Variants in TTC29 observed in about 807,000 individuals in gnomAD.
TTC29 encodes tetratricopeptide repeat domain 29.
In TTC29, 49 loss-of-function variants were observed where a neutral mutation model predicts 58.1. That is an observed-to-expected ratio of 0.84 (90% confidence interval 0.67 to 1.07). The LOEUF is 1.07. Among genes scored for constraint, TTC29 ranks in the 50% least tolerant of loss-of-function variants. The pLI, the probability that TTC29 is intolerant of heterozygous loss-of-function variation, is 0.00. For synonymous variants in TTC29, 209 were observed against 196.8 expected (o/e 1.06, Z -0.52); for missense variants, 582 against 555.6 (o/e 1.05, Z -0.48).
intron 11 of TTC29, among the ~76,000 whole-genome samples, chr4:146,745,694 T>C (rs1173902553): frequency 6.6e-6 from 1 of 152,250 alleles, no homozygotes; most frequent in Non-Finnish European, 1.5e-5. Flanking sequence ...TAATGTGCTC[T>C]TCTGACCACC....
chr4:146,906,001 C>A (rs1372937246), intron 5 of TTC29, among the ~76,000 whole-genome samples: 1 of 152,100 alleles, frequency 6.6e-6, no homozygotes, highest in Non-Finnish European at 1.5e-5. Flanking sequence ...GCTGCTCAAC[C>A]CTTAATAAAT....
At chr4:146,753,214 A>G (rs1412975109) in intron 11 of TTC29, among the ~76,000 whole-genome samples, 1 of 152,182 alleles carries the variant, frequency 6.6e-6, no homozygotes, top group East Asian at 1.9e-4. Flanking sequence ...AGAAAAAAAC[A>G]AACAACCCCA....
intron 7 of TTC29, among the ~76,000 whole-genome samples, chr4:146,871,562 T>A (rs1025500409): frequency 1.3e-5 from 2 of 151,930 alleles, no homozygotes; most frequent in African/African-American, 4.8e-5. Flanking sequence ...TTTAACAAGG[T>A]TGCAAGCTAT....
At chr4:146,875,003 G>T (rs1731168858) in intron 6 of TTC29, 75 bp from the exon 7 acceptor site, 8 of 1,138,454 alleles carry the variant, frequency 7.0e-6, no homozygotes, top group East Asian at 2.5e-5. Flanking sequence ...ATACGTTTTA[G>T]CTTTATTATT....
intron 11 of TTC29, among the ~76,000 whole-genome samples, chr4:146,789,930 A>G (rs1446483816): frequency 1.3e-5 from 2 of 152,178 alleles, no homozygotes; most frequent in Non-Finnish European, 2.9e-5. Context: ...TAAAGTAATC[A>G]CCACGGCTTA....
chr4:146,853,565 T>C (rs1053560261), intron 8 of TTC29, among the ~76,000 whole-genome samples: 5 of 152,202 alleles, frequency 3.3e-5, no homozygotes, highest in Admixed American at 6.5e-5. Flanking sequence ...TTTATAGCAT[T>C]GTATACAGAG....
At position 146,809,080 on chromosome 4, in the gene TTC29, C is replaced by A. The variant is rs1210523514; in HGVS notation, c.1102-5395G>T. Among the ~76,000 whole-genome samples the A allele has an allele frequency of 1.3e-5, 2 of 149,632 alleles. 1 individual carries two copies. Among genetic ancestry groups the A allele is most frequent in the Admixed American group, 1.4e-4 (2 of 14,502 alleles). On this transcript the variant is annotated intron_variant, in intron 10 of 12. Coordinates refer to ENST00000325106, the MANE Select transcript of TTC29 (RefSeq NM_031956.4). The stretch of plus-strand genomic sequence containing the variant: ...AAGAACAGAGTCTTCAGAAATAATG[C>A]CACACATCTACAACCAACTGATCTT...
intron 9 of TTC29, among the ~76,000 whole-genome samples, chr4:146,825,713 C>A (rs1339594024): frequency 6.6e-6 from 1 of 152,100 alleles, no homozygotes. Flanking sequence ...GTTAAAGTCT[C>A]CCACAATTAT....
chr4:146,753,446 T>A (rs1282807990), intron 11 of TTC29, among the ~76,000 whole-genome samples: 1 of 152,242 alleles, frequency 6.6e-6, no homozygotes, highest in Non-Finnish European at 1.5e-5. Context: ...ACTTTTACAC[T>A]GTTGGTGGGA....
Position 146,874,691 on chromosome 4 carries a change from T to C in TTC29, c.799+25A>G, listed in dbSNP as rs540907741. Reference sequence around the variant, plus strand: ...AGTGTCTACCCATTAAAGAAAGCAATGTGAGAGAGTTCTTTTCCACCCACC... The same window carrying C: ...AGTGTCTACCCATTAAAGAAAGCAACGTGAGAGAGTTCTTTTCCACCCACC... On this transcript the variant is annotated intron_variant, in intron 7 of 12. Coordinates refer to ENST00000325106, the MANE Select transcript of TTC29 (RefSeq NM_031956.4). 7 of 1,545,768 alleles carry C rather than the reference T, an allele frequency of 4.5e-6. No individual in the cohort carries two copies. The Admixed American group carries it at 5.5e-5, about 12-fold the overall frequency.
chr4:146,759,001 C>G (rs910448088), intron 11 of TTC29, among the ~76,000 whole-genome samples: 2 of 151,764 alleles, frequency 1.3e-5, no homozygotes, highest in African/African-American at 4.8e-5. Context: ...CAGAGCAGAA[C>G]TAAATGAAAT....
chr4:146,818,120 A>C (rs1751547152), intron 10 of TTC29, among the ~76,000 whole-genome samples: 1 of 152,254 alleles, frequency 6.6e-6, no homozygotes, highest in Non-Finnish European at 1.5e-5. Flanking sequence ...GCACAGAAAA[A>C]GAAACTACCA....
At chr4:146,912,741 G>T (rs1447015318) in intron 4 of TTC29, among the ~76,000 whole-genome samples, 2 of 152,152 alleles carry the variant, frequency 1.3e-5, no homozygotes, top group African/African-American at 2.4e-5. Context: ...GTAAAACCGG[G>T]AGCAGGAAGA....
chr4:146,784,619 C>A (rs79307701), intron 11 of TTC29, among the ~76,000 whole-genome samples: 4,732 of 152,252 alleles, frequency 0.031, 117 homozygotes, highest in Non-Finnish European at 0.045. Context: ...ACACAGCAAG[C>A]AGTTGGTGCC....
intron 10 of TTC29, among the ~76,000 whole-genome samples, chr4:146,807,393 G>C (rs2150124158): frequency 6.6e-6 from 1 of 152,242 alleles, no homozygotes; most frequent in Non-Finnish European, 1.5e-5. Context: ...TAAGATCAGA[G>C]AAGAACTGAA....
intron 11 of TTC29, among the ~76,000 whole-genome samples, chr4:146,708,082 C>T (rs1742116265): frequency 6.6e-6 from 1 of 151,856 alleles, no homozygotes; most frequent in Non-Finnish European, 1.5e-5. Flanking sequence ...TTTGACCCTT[C>T]AAACCAGCCC....
intron 6 of TTC29, among the ~76,000 whole-genome samples, chr4:146,885,808 A>G (rs759648241): frequency 6.6e-5 from 10 of 152,120 alleles, no homozygotes; most frequent in Non-Finnish European, 1.5e-4. Flanking sequence ...AATGATTCAC[A>G]TCATCATGAG....
chr4:146,852,589 G>C (rs909979347), intron 8 of TTC29, among the ~76,000 whole-genome samples: 2 of 152,170 alleles, frequency 1.3e-5, no homozygotes, highest in Non-Finnish European at 2.9e-5. Flanking sequence ...CTTTACTCTT[G>C]CTGCTCCTGC....
At chr4:146,753,646 A>G (rs564173985) in intron 11 of TTC29, among the ~76,000 whole-genome samples, 1 of 152,334 alleles carries the variant, frequency 6.6e-6, no homozygotes, top group Admixed American at 6.5e-5. Flanking sequence ...AAAGACTTGG[A>G]ACCAACCCAA....
Sources: allele counts gnomAD v4.1 joint callset (sites outside exome capture counted in the v4.1 genomes callset), GRCh38; gene constraint gnomAD v4.1.1; transcripts MANE v1.5; gene names NCBI Gene and HGNC (gene_info 2026-07-23, HGNC 2026-07-21).